Variants in RIMS2 observed in about 807,000 individuals in gnomAD.
RIMS2 encodes regulating synaptic membrane exocytosis 2.
Under a neutral mutation model 174.4 loss-of-function variants are expected in RIMS2, and 59 were observed. The observed-to-expected ratio is 0.34, with a 90% CI of 0.27 to 0.42. The LOEUF (loss-of-function observed/expected upper bound fraction) is 0.42, where lower values mean the gene tolerates loss of function less well. Among genes scored for constraint, RIMS2 ranks in the 10% least tolerant of loss-of-function variants. The probability of loss-of-function intolerance (pLI) is 1.00; values close to 1 mark genes in which losing one functional copy is unlikely to be tolerated. For missense variants in RIMS2, 1,620 were observed against 1,666.3 expected, an observed-to-expected ratio of 0.97 and a Z score of 0.48; for synonymous variants, 606 against 572.5, an observed-to-expected ratio of 1.06 and a Z score of -0.84.
chr8:103,921,177 T>C (rs1332551333), intron 9 of RIMS2, among the ~76,000 whole-genome samples: 2 of 152,176 alleles, frequency 1.3e-5, no homozygotes, highest in Non-Finnish European at 2.9e-5. Flanking sequence ...ATTTAACATT[T>C]TATTCCTTTT....
At chr8:103,809,517 C>A (rs2098673239) in intron 3 of RIMS2, among the ~76,000 whole-genome samples, 1 of 151,532 alleles carries the variant, frequency 6.6e-6, no homozygotes, top group South Asian at 2.1e-4. Flanking sequence ...TCTTTCTTTC[C>A]TGTGAGCTCT....
intron 19 of RIMS2, among the ~76,000 whole-genome samples, chr8:104,176,242 G>C (rs2098893021): frequency 6.6e-6 from 1 of 152,046 alleles, no homozygotes; most frequent in African/African-American, 2.4e-5. Flanking sequence ...TGTATCTCCA[G>C]CTGTGGCTTT....
At chr8:103,648,784 T>C (rs1237621746) in intron 1 of RIMS2, among the ~76,000 whole-genome samples, 3 of 152,196 alleles carry the variant, frequency 2.0e-5, no homozygotes, top group Admixed American at 6.5e-5. Flanking sequence ...CTGTTTTAAA[T>C]TTGTTTGGTA....
chr8:103,807,140 C>T (rs76717257), intron 3 of RIMS2, among the ~76,000 whole-genome samples: 23,895 of 151,942 alleles, frequency 0.16, 1,982 homozygotes, highest in Middle Eastern at 0.24. Context: ...GTTCACAACA[C>T]AGCCAAAACA....
intron 19 of RIMS2, among the ~76,000 whole-genome samples, chr8:104,230,585 G>T (rs1344479479): frequency 6.6e-5 from 10 of 152,102 alleles, no homozygotes; most frequent in Non-Finnish European, 1.5e-4. Flanking sequence ...GGCGGAAGTT[G>T]CAGTGAGCCA....
intron 2 of RIMS2, among the ~76,000 whole-genome samples, chr8:103,753,249 G>A (rs1386979703): frequency 1.1e-4 from 16 of 152,108 alleles, no homozygotes; most frequent in South Asian, 4.1e-4. Flanking sequence ...ATTGATTTGC[G>A]TATATTGAAC....
At chr8:103,829,199 C>T (rs1460843711) in intron 3 of RIMS2, among the ~76,000 whole-genome samples, 1 of 150,868 alleles carries the variant, frequency 6.6e-6, no homozygotes, top group Non-Finnish European at 1.5e-5. Context: ...GAGATACCAT[C>T]TCACACCAGT....
chr8:103,764,372 C>T (rs995693160), intron 2 of RIMS2, among the ~76,000 whole-genome samples: 2 of 152,120 alleles, frequency 1.3e-5, no homozygotes, highest in South Asian at 4.1e-4. Context: ...TAAATAACAA[C>T]TTGTTTAAAA....
chr8:103,799,975 C>T (rs2098594874), intron 3 of RIMS2, among the ~76,000 whole-genome samples: 1 of 152,088 alleles, frequency 6.6e-6, no homozygotes, highest in East Asian at 1.9e-4. Context: ...TTTTACCTTT[C>T]TCATGTATAT....
At chr8:104,075,005 ATAAGAGT>A (rs2097263279) in intron 19 of RIMS2, among the ~76,000 whole-genome samples, 1 of 152,210 alleles carries the variant, frequency 6.6e-6, no homozygotes, top group Non-Finnish European at 1.5e-5. Flanking sequence ...ACATGAAGAA[ATAAGAGT>A]TATGTTTTAA....
rs74339899 is a variant in RIMS2, at chr8:103,780,794, T to G, written c.698+14257T>G. Among the ~76,000 whole-genome samples, 20 of 152,298 alleles carry G rather than the reference T, an allele frequency of 1.3e-4. 1 individual carries two copies. In the East Asian group the frequency reaches 3.7e-3, roughly 28 times the overall value. Reference sequence around the variant, plus strand: ...ATGGTTTCCTGTTTGCTATTGCTTCTTGGGGATGTCTTTCTATGTCTTTGC... The same window carrying G: ...ATGGTTTCCTGTTTGCTATTGCTTCGTGGGGATGTCTTTCTATGTCTTTGC... On this transcript the variant is annotated intron_variant, in intron 3 of 23. Coordinates refer to ENST00000504942, the Ensembl canonical transcript of RIMS2.
At chr8:103,729,126 T>A (rs2097561411) in intron 2 of RIMS2, among the ~76,000 whole-genome samples, 2 of 152,236 alleles carry the variant, frequency 1.3e-5, no homozygotes, top group East Asian at 3.9e-4. Flanking sequence ...CCTTTATTTT[T>A]GGGAATACTT....
At chr8:103,519,491 A>G (rs1425110633) in intron 1 of RIMS2, among the ~76,000 whole-genome samples, 1 of 151,934 alleles carries the variant, frequency 6.6e-6, no homozygotes, top group Non-Finnish European at 1.5e-5. Context: ...CACCCCTTCC[A>G]GTTCACATTT....
In RIMS2 at chr8:103,652,196, T is replaced by C. The variant is rs755232900; in HGVS notation, c.177-44890T>C. On this transcript the variant is annotated intron_variant, in intron 1 of 23. Coordinates refer to ENST00000504942, the Ensembl canonical transcript of RIMS2. ...CAGTGCACTCAGTTGTGCAAACTTA[T>C]CTTTTTAGGGTCAAAGAAGAACACA... 5 of 1,343,994 alleles carry C rather than the reference T, an allele frequency of 3.7e-6. No individual in the cohort carries two copies. The highest frequency in any genetic ancestry group is 3.4e-5 in the South Asian group (3 of 87,818). 83.3% of individuals were successfully genotyped at this position (1,343,994 alleles called of 1,614,324 possible).
intron 2 of RIMS2, among the ~76,000 whole-genome samples, chr8:103,713,186 T>G (rs1235728783): frequency 6.6e-6 from 1 of 152,142 alleles, no homozygotes; most frequent in African/African-American, 2.4e-5. Context: ...GCTTGGCTAA[T>G]TTTTGTATAT....
chr8:104,213,886 AAAAAG>A (rs2099117110), intron 19 of RIMS2, among the ~76,000 whole-genome samples: 2 of 141,330 alleles, frequency 1.4e-5, no homozygotes, highest in East Asian at 2.1e-4. Flanking sequence ...GGAAAAAAAA[AAAAAG>A]AAGAAGAAGA....
At chr8:103,998,253 A>G (rs769928431) in intron 17 of RIMS2, 1 of 1,601,614 alleles carries the variant, frequency 6.2e-7, no homozygotes, top group Non-Finnish European at 8.5e-7. Flanking sequence ...GATGGCAGGT[A>G]TATTTTTCTT....
At chr8:103,655,528 T>G (rs2096519255) in intron 1 of RIMS2, among the ~76,000 whole-genome samples, 1 of 152,184 alleles carries the variant, frequency 6.6e-6, no homozygotes, top group Non-Finnish European at 1.5e-5. Context: ...CTTTGAATTT[T>G]ATATTTTAGT....
At chr8:103,503,882 A>G (rs1420616275) in intron 1 of RIMS2, among the ~76,000 whole-genome samples, 1 of 152,064 alleles carries the variant, frequency 6.6e-6, no homozygotes, top group Non-Finnish European at 1.5e-5. Context: ...CAAAACTGAG[A>G]CCATTACTGT....
Sources: allele counts gnomAD v4.1 joint callset (sites outside exome capture counted in the v4.1 genomes callset), GRCh38; gene constraint gnomAD v4.1.1; transcripts MANE v1.5; gene names NCBI Gene and HGNC (gene_info 2026-07-23, HGNC 2026-07-21).